Variants in GALNT7 observed in about 807,000 individuals in gnomAD.
The protein encoded by GALNT7 is polypeptide N-acetylgalactosaminyltransferase 7, also known as N-acetylgalactosaminyltransferase 7.
Under a neutral mutation model 82.1 loss-of-function variants are expected in GALNT7, and 60 were observed. The observed-to-expected ratio is 0.73, with a 90% confidence interval of 0.59 to 0.91. The LOEUF (loss-of-function observed/expected upper bound fraction) is 0.91. Ranked by LOEUF, GALNT7 falls within the 40% of genes least tolerant of loss-of-function variation. The pLI is 0.00. For missense variants in GALNT7, 660 were observed against 804.2 expected (o/e 0.82, Z 2.17); for synonymous variants, 243 against 275.1 (o/e 0.88, Z 1.15).
intron 1 of GALNT7, among the ~76,000 whole-genome samples, chr4:173,226,007 G>A (rs1209759456): frequency 6.6e-6 from 1 of 152,110 alleles, no homozygotes; most frequent in Non-Finnish European, 1.5e-5. Context: ...CCATCGCTGT[G>A]TGCAGACTGC....
intron 2 of GALNT7, among the ~76,000 whole-genome samples, chr4:173,262,175 G>C (rs905754813): frequency 1.3e-5 from 2 of 152,044 alleles, no homozygotes; most frequent in African/African-American, 4.8e-5. Context: ...CAAAAGGGGG[G>C]AGCATTTTAA....
chr4:173,302,576 C>G lies in GALNT7; in HGVS notation c.1266+412C>G, dbSNP rs1215632517. Reference sequence around the variant, plus strand: ...AGACAGAAGCAGAGCCCCACAATGACTGTATCCTCAGGCTGACTTTGGCGC... The same window carrying G: ...AGACAGAAGCAGAGCCCCACAATGAGTGTATCCTCAGGCTGACTTTGGCGC... On this transcript the variant is annotated intron_variant, in intron 7 of 11. Transcript: ENST00000265000. This position sits in a 1 kb window ranked among gnomAD's most constrained non-coding sequence, Gnocchi z 4.2. Among the ~76,000 whole-genome samples, 1 of 152,250 alleles carries G rather than the reference C, an allele frequency of 6.6e-6. No individual in the cohort carries two copies. Among genetic ancestry groups the G allele is most frequent in the Non-Finnish European group, 1.5e-5 (1 of 68,042 alleles).
intron 2 of GALNT7, among the ~76,000 whole-genome samples, chr4:173,263,810 A>G (rs1735371278): frequency 6.6e-6 from 1 of 152,182 alleles, no homozygotes; most frequent in African/African-American, 2.4e-5. Context: ...AGGGTTCCCA[A>G]AAGTTGTCCA....
intron 1 of GALNT7, chr4:173,169,553 C>T (rs2126609710): frequency 6.6e-6 from 1 of 151,828 alleles, no homozygotes; most frequent in Admixed American, 6.5e-5. Flanking sequence ...GGCGCCCCGC[C>T]TCCGGCTCTT....
At chr4:173,301,573 CTG>C (rs1736937228) in intron 6 of GALNT7, among the ~76,000 whole-genome samples, 1 of 152,166 alleles carries the variant, frequency 6.6e-6, no homozygotes, top group African/African-American at 2.4e-5. Context: ...ATGATTTACA[CTG>C]TTATTTGGCG....
intron 2 of GALNT7, among the ~76,000 whole-genome samples, chr4:173,273,978 T>C (rs1359242782): frequency 2.6e-5 from 4 of 152,208 alleles, no homozygotes; most frequent in Non-Finnish European, 5.9e-5. Context: ...CTCAAATATA[T>C]TGGTGTTTGA....
chr4:173,204,141 T>C (rs779643496), intron 1 of GALNT7, among the ~76,000 whole-genome samples: 4 of 152,214 alleles, frequency 2.6e-5, no homozygotes, highest in Non-Finnish European at 5.9e-5. Context: ...CTTTCAGCAC[T>C]CTGAATGTAT....
rs1329680084 is a variant in GALNT7, at chr4:173,322,512, G to C, written c.*795G>C. ...CCTACTGGCATTCCCAGTGCCCTCT[G>C]TCCATACCTACTTCTAGGATTGCAA... On this transcript the variant is annotated 3_prime_UTR_variant, in exon 12 of 12. Transcript: ENST00000265000. 6.6e-6 allele frequency: 1 copy of C among 152,172 alleles called. No homozygotes were observed. Among genetic ancestry groups the C allele is most frequent in the African/African-American group, 2.4e-5 (1 of 41,438 alleles). The allele number at this position is 152,172 out of a possible 1,614,324, so 9.4% of individuals were successfully genotyped here.
At chr4:173,217,275 T>C (rs1262091631) in intron 1 of GALNT7, among the ~76,000 whole-genome samples, 1 of 152,134 alleles carries the variant, frequency 6.6e-6, no homozygotes, top group Non-Finnish European at 1.5e-5. Context: ...AATCCTGAGT[T>C]ATTACCCTTC....
chr4:173,194,781 C>G (rs942233412), intron 1 of GALNT7, among the ~76,000 whole-genome samples: 5 of 152,018 alleles, frequency 3.3e-5, no homozygotes, highest in African/African-American at 1.2e-4. Flanking sequence ...TAATGCTTTC[C>G]CTCCCCGCTT....
chr4:173,265,069 CTG>C (rs1735430760), intron 2 of GALNT7, among the ~76,000 whole-genome samples: 1 of 152,260 alleles, frequency 6.6e-6, no homozygotes, highest in Non-Finnish European at 1.5e-5. Context: ...CCACTCAACA[CTG>C]TGCCCATCCT....
At chr4:173,174,546 G>C (rs1561140840) in intron 1 of GALNT7, among the ~76,000 whole-genome samples, 2 of 152,212 alleles carry the variant, frequency 1.3e-5, no homozygotes, top group Non-Finnish European at 2.9e-5. Flanking sequence ...CACTTCTGTG[G>C]AAAAGTTTTC....
intron 1 of GALNT7, among the ~76,000 whole-genome samples, chr4:173,237,348 G>A (rs927000234): frequency 7.9e-5 from 12 of 152,180 alleles, no homozygotes; most frequent in African/African-American, 1.2e-4. Context: ...AGGAAGAGCC[G>A]TTTTATGCAT....
Position 173,302,155 on chromosome 4 carries a change from C to T in GALNT7, c.1257C>T (p.Ile419=). The change falls in exon 7 of 12, where the codon ATC becomes ATT. Residue 419 remains isoleucine, a synonymous_variant. Transcript: ENST00000265000. This position sits in a 1 kb window ranked among gnomAD's most constrained non-coding sequence, Gnocchi z 4.2. The part of the protein sequence containing the change: ...LQIWGGENFE[I]SYKIWQCGGK... ...TTTGGGGTGGTGAAAACTTTGAGAT[C>T]TCATACAAGGTAACATTTTATTTCA... 4.5e-6 allele frequency: 6 copies of T among 1,331,666 alleles called. No homozygotes were observed. In the South Asian group the frequency reaches 5.9e-5, roughly 13 times the overall value. The allele number at this position is 1,331,666 out of a possible 1,614,324, so 82.5% of individuals were successfully genotyped here.
In GALNT7 at chr4:173,321,761, T is replaced by G. The variant is rs1737826856; in HGVS notation, c.*44T>G. On this transcript the variant is annotated 3_prime_UTR_variant, in exon 12 of 12. Transcript: ENST00000265000. Reference sequence around the variant, plus strand: ...ATAACCTACCTACTGACAAGTAAATTTATACAGGACTGAAAACCGCCTGAA... The same window carrying G: ...ATAACCTACCTACTGACAAGTAAATGTATACAGGACTGAAAACCGCCTGAA... 4 of 1,443,324 alleles carry G rather than the reference T, an allele frequency of 2.8e-6. No homozygotes were observed. The highest frequency in any genetic ancestry group is 3.9e-6 in the Non-Finnish European group (4 of 1,030,388). 89.4% of individuals were successfully genotyped at this position (1,443,324 alleles called of 1,614,324 possible). A position where few individuals can be genotyped will look rare whatever the true frequency, so the allele number is the denominator to read the frequency against.
At chr4:173,263,137 A>G (rs1309247914) in intron 2 of GALNT7, among the ~76,000 whole-genome samples, 1 of 152,176 alleles carries the variant, frequency 6.6e-6, no homozygotes, top group Non-Finnish European at 1.5e-5. Context: ...AATAATTTTG[A>G]CCTCACCAAA....
At chr4:173,274,890 G>C (rs185983452) in intron 2 of GALNT7, among the ~76,000 whole-genome samples, 1 of 152,238 alleles carries the variant, frequency 6.6e-6, no homozygotes, top group East Asian at 1.9e-4. Flanking sequence ...ATTCCTCATG[G>C]ATGCTCATGT....
At chr4:173,234,878 T>G (rs1178673052) in intron 1 of GALNT7, among the ~76,000 whole-genome samples, 1 of 152,202 alleles carries the variant, frequency 6.6e-6, no homozygotes, top group East Asian at 1.9e-4. Context: ...CCATGTGATC[T>G]CTGCACACAC....
chr4:173,186,234 T>G (rs1234057348), intron 1 of GALNT7, among the ~76,000 whole-genome samples: 2 of 152,260 alleles, frequency 1.3e-5, no homozygotes, highest in Non-Finnish European at 2.9e-5. Context: ...GTAATTTTCC[T>G]TATTGTGAAA....
Sources: gnomAD v4.1 joint callset for allele counts (sites outside exome capture counted in the v4.1 genomes callset) on GRCh38, gnomAD v4.1.1 for gene constraint, Gnocchi (gnomAD v3.1) non-coding constraint, MANE v1.5 for transcripts, NCBI Gene and HGNC (gene_info 2026-07-23, HGNC 2026-07-21) for gene names.